The following GABRA3 variants were observed in gnomAD, a reference collection of about 807,000 sequenced individuals.
GABRA3 encodes the protein gamma-aminobutyric acid receptor subunit alpha-3.
Under a neutral mutation model 30.1 loss-of-function variants are expected in GABRA3, and 10 were observed. That is an observed-to-expected ratio of 0.33 (90% CI 0.20 to 0.56). The LOEUF is 0.56. Among genes scored for constraint, GABRA3 ranks in the 20% least tolerant of loss-of-function variants. The probability of loss-of-function intolerance (pLI) is 0.89; values close to 1 mark genes in which losing one functional copy is unlikely to be tolerated. For missense variants in GABRA3, 233 were observed against 392.0 expected (o/e 0.59, Z 3.42); for synonymous variants, 151 against 146.8 (o/e 1.03, Z -0.21).
At chrX:152,417,909 A>T (rs1395163775) in intron 1 of GABRA3, among the ~76,000 whole-genome samples, 1 of 96,972 alleles carries the variant, frequency 1.0e-5, no homozygotes, top group Non-Finnish European at 2.1e-5. Flanking sequence ...TAGCACTGGG[A>T]GATATACCTA....
In GABRA3 at chrX:152,383,477, A is replaced by C. The variant is rs143959218; in HGVS notation, c.-26-18881T>G. On this transcript the variant is annotated intron_variant, in intron 1 of 9. Transcript: ENST00000370314. ...GATAAATATAGATTCAAAACCATTC[A>C]ACAAAACATTAGCAAAGCAAATTCA... is the stretch of plus-strand genomic sequence containing the variant. Among the ~76,000 whole-genome samples, 221 of 109,547 alleles carry C rather than the reference A, an allele frequency of 2.0e-3. 4 individuals carry two copies. The East Asian group carries it at 0.057, about 28-fold the overall frequency.
intron 3 of GABRA3, among the ~76,000 whole-genome samples, chrX:152,291,780 T>A (rs1304024423): frequency 1.8e-5 from 2 of 112,054 alleles, no homozygotes; most frequent in Non-Finnish European, 3.8e-5. Flanking sequence ...CATGTGGTTT[T>A]CGTCTTTGGT....
chrX:152,199,099 A>AC (rs1312503473), intron 7 of GABRA3, among the ~76,000 whole-genome samples: 4 of 111,572 alleles, frequency 3.6e-5, no homozygotes, highest in Admixed American at 9.5e-5. Flanking sequence ...GCGGTGGCTC[A>AC]AGCCTGCCTG....
intron 1 of GABRA3, among the ~76,000 whole-genome samples, chrX:152,424,051 T>G (rs1031030266): frequency 9.0e-6 from 1 of 111,357 alleles, no homozygotes; most frequent in Non-Finnish European, 1.9e-5. Flanking sequence ...GGGATTGTAA[T>G]AAGAACAATT....
chrX:152,191,353 T>G (rs1019977180), intron 8 of GABRA3, among the ~76,000 whole-genome samples: 36 of 110,591 alleles, frequency 3.3e-4, no homozygotes, highest in African/African-American at 1.2e-3. Flanking sequence ...TTACTTGATT[T>G]ATATCTTAGG....
chrX:152,229,613 G>A (rs1482512216), intron 5 of GABRA3, among the ~76,000 whole-genome samples: 1 of 109,954 alleles, frequency 9.1e-6, no homozygotes, highest in Non-Finnish European at 1.9e-5. Context: ...TGTGCCCAGG[G>A]TGCTCAAGAA....
chrX:152,225,286 T>C (rs1603216308), intron 5 of GABRA3, among the ~76,000 whole-genome samples: 1 of 110,676 alleles, frequency 9.0e-6, no homozygotes, highest in South Asian at 3.8e-4. Context: ...AAGAATATCT[T>C]TACCCTGATC....
At chrX:152,265,755 GAAGAA>G (rs1938812428) in intron 4 of GABRA3, among the ~76,000 whole-genome samples, 2 of 111,227 alleles carry the variant, frequency 1.8e-5, no homozygotes, top group South Asian at 3.7e-4. Context: ...GCCAGACTAA[GAAGAA>G]AAGAGAGAAT....
chrX:152,412,040 A>G (rs1391179929), intron 1 of GABRA3, among the ~76,000 whole-genome samples: 1 of 111,951 alleles, frequency 8.9e-6, no homozygotes, highest in Non-Finnish European at 1.9e-5. Flanking sequence ...TCTCCAAAAA[A>G]AGATACAGAA....
chrX:152,403,569 C>CGTGTGTGTATGTGCACACGTGT (rs1929849828), intron 1 of GABRA3, among the ~76,000 whole-genome samples: 1 of 100,785 alleles, frequency 9.9e-6, no homozygotes, highest in South Asian at 4.9e-4. Flanking sequence ...TATGTGCACA[C>CGTGTGTGTATGTGCACACGTGT]GTGTGTGTGT....
intron 6 of GABRA3, among the ~76,000 whole-genome samples, chrX:152,215,234 C>G (rs1389242885): frequency 9.2e-6 from 1 of 108,993 alleles, no homozygotes; most frequent in African/African-American, 3.3e-5. Context: ...CCTTGTTTCA[C>G]AGTTTCAGAT....
chrX:152,210,930 C>G (rs1464361851), intron 6 of GABRA3, among the ~76,000 whole-genome samples: 1 of 111,238 alleles, frequency 9.0e-6, no homozygotes, highest in Non-Finnish European at 1.9e-5. Flanking sequence ...AAAATTTACA[C>G]TGATATTATA....
At chrX:152,294,203 T>C (rs1939480394) in intron 3 of GABRA3, among the ~76,000 whole-genome samples, 1 of 111,624 alleles carries the variant, frequency 9.0e-6, no homozygotes, top group South Asian at 3.8e-4. Context: ...TTCTCCTGGA[T>C]AATATCCTGA....
chrX:152,261,101 T>A (rs1229975720), intron 4 of GABRA3, among the ~76,000 whole-genome samples: 2 of 108,683 alleles, frequency 1.8e-5, no homozygotes, highest in Non-Finnish European at 3.8e-5. Flanking sequence ...TATAAAACCA[T>A]CAGATTTCAT....
At chrX:152,410,253 G>A (rs1185237382) in intron 1 of GABRA3, among the ~76,000 whole-genome samples, 1 of 111,552 alleles carries the variant, frequency 9.0e-6, no homozygotes, top group Non-Finnish European at 1.9e-5. Flanking sequence ...AAGAGGTAAT[G>A]GTTATTGAGC....
intron 1 of GABRA3, among the ~76,000 whole-genome samples, chrX:152,423,961 T>C (rs1930445896): frequency 9.0e-6 from 1 of 111,513 alleles, no homozygotes; most frequent in South Asian, 3.7e-4. Context: ...AAACAATATT[T>C]TAAAACTGTG....
intron 5 of GABRA3, among the ~76,000 whole-genome samples, chrX:152,238,120 G>A (rs1161917173): frequency 1.9e-5 from 2 of 107,313 alleles, no homozygotes; most frequent in East Asian, 6.1e-4. Flanking sequence ...TATGATATTG[G>A]CTGTGGGTTT....
chrX:152,231,099 CAAT>C (rs1369801869), intron 5 of GABRA3, among the ~76,000 whole-genome samples: 9 of 107,156 alleles, frequency 8.4e-5, no homozygotes, highest in Middle Eastern at 5.1e-3. Flanking sequence ...CCTTAGAACT[CAAT>C]AATGAGAAGA....
rs770418988 is a variant in GABRA3, at chrX:152,319,430, T to TA, written c.262+26150dup. On this transcript the variant is annotated intron_variant, in intron 3 of 9. Transcript: ENST00000370314. ...GAACCCAGAAATAAACTTAAATACT[T>TA]ACAGCCAACTGATCTTCCACAAAGC... Among the ~76,000 whole-genome samples the TA allele has an allele frequency of 1.8e-4, 20 of 111,659 alleles. No individual in the cohort carries two copies. The East Asian group carries it at 4.6e-3, about 25-fold the overall frequency.
Sources: allele counts gnomAD v4.1 joint callset (sites outside exome capture counted in the v4.1 genomes callset), GRCh38; gene constraint gnomAD v4.1.1; transcripts MANE v1.5; gene names NCBI Gene and HGNC (gene_info 2026-07-23, HGNC 2026-07-21).